MAMDC2: variants seen among roughly 807,000 people sequenced by gnomAD.
MAMDC2 encodes MAM domain containing 2, also known as MAM domain-containing protein 2.
In MAMDC2, 57 loss-of-function variants were observed where a neutral mutation model predicts 89.8. That is an observed-to-expected ratio of 0.63 (90% CI 0.51 to 0.79). The LOEUF (loss-of-function observed/expected upper bound fraction) is 0.79, where lower values mean the gene tolerates loss of function less well. Ranked by LOEUF, MAMDC2 falls within the 30% of genes least tolerant of loss-of-function variation. MAMDC2 has a pLI of 0.00. For missense variants in MAMDC2, 800 were observed against 820.6 expected, an observed-to-expected ratio of 0.97 and a Z score of 0.31; for synonymous variants, 313 against 293.4, an observed-to-expected ratio of 1.07 and a Z score of -0.68.
At chr9:70,051,924 T>TAGATAGATAGACAGAC (rs955594860) in intron 2 of MAMDC2, among the ~76,000 whole-genome samples, 4 of 151,848 alleles carry the variant, frequency 2.6e-5, no homozygotes, top group African/African-American at 9.7e-5. Context: ...GATAGATAGA[T>TAGATAGATAGACAGAC]AGACAGACAG....
chr9:70,217,648 C>T, intron 11 of MAMDC2: 1 of 1,607,692 alleles, frequency 6.2e-7, no homozygotes, highest in Non-Finnish European at 8.5e-7. Flanking sequence ...TTCAGCTCCC[C>T]AAGTTGGTGG....
intron 2 of MAMDC2, among the ~76,000 whole-genome samples, chr9:70,075,932 A>G (rs1827520462): frequency 6.6e-6 from 1 of 152,210 alleles, no homozygotes; most frequent in Admixed American, 6.5e-5. Flanking sequence ...GGGAAAATAT[A>G]AGATATGTAA....
intron 11 of MAMDC2, among the ~76,000 whole-genome samples, chr9:70,174,823 CA>C (rs1326641242): frequency 1.3e-5 from 2 of 150,824 alleles, no homozygotes; most frequent in African/African-American, 4.9e-5. Flanking sequence ...CTCCCGGGTT[CA>C]AGCAATTCTC....
intron 2 of MAMDC2, among the ~76,000 whole-genome samples, chr9:70,047,921 C>T (rs753270218): frequency 1.8e-4 from 27 of 152,166 alleles, no homozygotes; most frequent in Non-Finnish European, 3.2e-4. Context: ...GATTACAGTT[C>T]GAGTGTCTCT....
At chr9:70,119,333 T>C (rs1231412219) in intron 5 of MAMDC2, among the ~76,000 whole-genome samples, 2 of 152,208 alleles carry the variant, frequency 1.3e-5, no homozygotes, top group Admixed American at 1.3e-4. Flanking sequence ...GTTATTTAAT[T>C]CCATCAAACA....
At chr9:70,099,139 A>G (rs1587468500) in intron 2 of MAMDC2, among the ~76,000 whole-genome samples, 1 of 150,142 alleles carries the variant, frequency 6.7e-6, no homozygotes, top group East Asian at 1.9e-4. Context: ...ATAGTTTCAG[A>G]TCAGACCATT....
intron 2 of MAMDC2, among the ~76,000 whole-genome samples, chr9:70,068,534 C>G (rs1587441278): frequency 6.6e-6 from 1 of 151,798 alleles, no homozygotes; most frequent in Non-Finnish European, 1.5e-5. Flanking sequence ...CTGGCCAACA[C>G]AGTGAAACCC....
chr9:70,171,354 G>A (rs1321597098), intron 11 of MAMDC2, among the ~76,000 whole-genome samples: 1 of 150,842 alleles, frequency 6.6e-6, no homozygotes, highest in Non-Finnish European at 1.5e-5. Context: ...TTTTAATTTA[G>A]CCAGCTGTGG....
intron 9 of MAMDC2, among the ~76,000 whole-genome samples, chr9:70,164,919 T>C (rs192498211): frequency 1.3e-4 from 20 of 150,800 alleles, no homozygotes; most frequent in East Asian, 5.8e-4. Context: ...GGATTATAGA[T>C]GTGAGCCTAT....
intron 2 of MAMDC2, among the ~76,000 whole-genome samples, chr9:70,053,046 C>A (rs1192624897): frequency 1.3e-5 from 2 of 152,174 alleles, no homozygotes; most frequent in Admixed American, 6.5e-5. Context: ...AAGGGATGAC[C>A]AGACTTTGAA....
At chr9:70,161,460 A>T (rs1047828183) in intron 9 of MAMDC2, among the ~76,000 whole-genome samples, 1 of 152,222 alleles carries the variant, frequency 6.6e-6, no homozygotes, top group Admixed American at 6.5e-5. Context: ...TCAGCTAAAA[A>T]CTTATTTAAA....
chr9:70,181,601 A>C (rs1044468422), intron 11 of MAMDC2, among the ~76,000 whole-genome samples: 1 of 151,040 alleles, frequency 6.6e-6, no homozygotes, highest in Non-Finnish European at 1.5e-5. Flanking sequence ...TTGGTATTTT[A>C]TTTTCTTTGT....
At chr9:70,216,240 A>G (rs1169892358) in intron 11 of MAMDC2, 3 of 152,226 alleles carry the variant, frequency 2.0e-5, no homozygotes, top group East Asian at 3.8e-4. Flanking sequence ...TTGGGCTGCC[A>G]TAACAAAATA....
chr9:70,148,397 C>T lies in MAMDC2; in HGVS notation c.1404+4578C>T, dbSNP rs891560929. 2.0e-5 allele frequency among the ~76,000 whole-genome samples: 3 copies of T among 150,400 alleles called. No homozygotes were observed. The East Asian group carries it at 5.8e-4, about 29-fold the overall frequency. On this transcript the variant is annotated intron_variant, in intron 9 of 13. Coordinates refer to ENST00000377182, the MANE Select transcript of MAMDC2 (RefSeq NM_153267.5). The stretch of plus-strand genomic sequence containing the variant: ...AACATAGTGATTAGGAGAACAGACA[C>T]AGCAATCTCTCTAGTTTTAAACCCC...
intron 2 of MAMDC2, among the ~76,000 whole-genome samples, chr9:70,078,645 T>C (rs1827589386): frequency 6.6e-6 from 1 of 152,188 alleles, no homozygotes; most frequent in Non-Finnish European, 1.5e-5. Flanking sequence ...GGTTAATTTA[T>C]AGCTATCTGG....
intron 2 of MAMDC2, among the ~76,000 whole-genome samples, chr9:70,097,254 G>A (rs1395520819): frequency 3.3e-5 from 5 of 152,088 alleles, no homozygotes; most frequent in East Asian, 1.9e-4. Context: ...TGTAGTTGTC[G>A]GCCAAGCTTT....
chr9:70,149,715 G>T (rs573549206), intron 9 of MAMDC2, among the ~76,000 whole-genome samples: 11 of 152,204 alleles, frequency 7.2e-5, no homozygotes, highest in Admixed American at 1.3e-4. Context: ...TTGGTGTGGG[G>T]CCTGGGAATC....
intron 7 of MAMDC2, among the ~76,000 whole-genome samples, chr9:70,139,195 T>A (rs1479956355): frequency 6.7e-6 from 1 of 149,672 alleles, no homozygotes; most frequent in Non-Finnish European, 1.5e-5. Context: ...TATGTATACA[T>A]GTGCCATGCT....
At position 70,226,110 on chromosome 9, in the gene MAMDC2, T is replaced by C. The variant is rs2033636977; in HGVS notation, c.*78T>C. On this transcript the variant is annotated 3_prime_UTR_variant, in exon 14 of 14. Transcript: ENST00000377182. ...AAATGAAAACAAAGCAAATGAATAC[T>C]GGACAGTCTTAACAATTTTATAAGT... The C allele has an allele frequency of 3.6e-6, 3 of 834,268 alleles. No individual in the cohort carries two copies. Among genetic ancestry groups the C allele is most frequent in the African/African-American group, 3.5e-5 (2 of 57,402 alleles). The allele number at this position is 834,268 out of a possible 1,614,324, so 51.7% of individuals were successfully genotyped here.
Sources: allele counts gnomAD v4.1 joint callset (sites outside exome capture counted in the v4.1 genomes callset), GRCh38; gene constraint gnomAD v4.1.1; transcripts MANE v1.5; gene names NCBI Gene and HGNC (gene_info 2026-07-23, HGNC 2026-07-21).